Variants in MSANTD3 observed in about 807,000 individuals in gnomAD.
The protein encoded by MSANTD3 is Myb/SANT DNA binding domain containing 3, also known as myb/SANT-like DNA-binding domain-containing protein 3.
In MSANTD3, 11 loss-of-function variants were observed where a neutral mutation model predicts 27.7. That is an observed-to-expected ratio of 0.40 (90% confidence interval 0.25 to 0.66). The LOEUF is 0.66. MSANTD3 is among the 30% of genes least tolerant of loss of function. MSANTD3 has a pLI of 0.41. For synonymous variants in MSANTD3, 131 were observed against 127.2 expected, an observed-to-expected ratio of 1.03 and a Z score of -0.20; for missense variants, 250 against 336.5, an observed-to-expected ratio of 0.74 and a Z score of 2.01.
At chr9:100,435,595 AG>A (rs1341234010) in intron 1 of MSANTD3, among the ~76,000 whole-genome samples, 2 of 152,200 alleles carry the variant, frequency 1.3e-5, no homozygotes, top group Admixed American at 6.5e-5. Flanking sequence ...GCCAAGATCA[AG>A]GTGTTGGCAA....
chr9:100,441,727 C>T (rs1836627763), intron 1 of MSANTD3, among the ~76,000 whole-genome samples, 179 bp from the exon 2 acceptor site: 1 of 152,138 alleles, frequency 6.6e-6, no homozygotes, highest in South Asian at 2.1e-4. Context: ...GAAATAAAAC[C>T]CCATTCCTAG....
chr9:100,437,820 T>C (rs1470908569), intron 1 of MSANTD3, among the ~76,000 whole-genome samples: 1 of 152,222 alleles, frequency 6.6e-6, no homozygotes, highest in East Asian at 1.9e-4. Flanking sequence ...TATGTATATG[T>C]ATTTTTAACA....
Position 100,450,566 on chromosome 9 carries a change from C to T in MSANTD3, c.428C>T (p.Ala143Val). 2 of 1,527,436 alleles carry T rather than the reference C, an allele frequency of 1.3e-6. No individual in the cohort carries two copies. Among genetic ancestry groups the T allele is most frequent in the Non-Finnish European group, 1.8e-6 (2 of 1,141,704 alleles). 94.6% of individuals were successfully genotyped at this position (1,527,436 alleles called of 1,614,324 possible). A position where few individuals can be genotyped will look rare whatever the true frequency, so the allele number is the denominator to read the frequency against. Residue 143 changes from alanine to valine, a missense_variant, in exon 3 of 3, where the codon GCT (alanine) becomes GTT (valine). By Grantham distance (64) the Ala-to-Val change is moderately conservative. Coordinates refer to ENST00000395067, the MANE Select transcript of MSANTD3 (RefSeq NM_080655.3). ...HPDASAQESFAVSNRELCDDE... is the reference protein window; with the variant it reads ...HPDASAQESFVVSNRELCDDE... ...TGCTACTGTTTTTCAGAATCATTTG[C>T]TGTTTCAAATAGAGAACTGTGCGAT...
chr9:100,441,028 C>G (rs371590752), intron 1 of MSANTD3, among the ~76,000 whole-genome samples: 9 of 148,950 alleles, frequency 6.0e-5, no homozygotes, highest in African/African-American at 2.2e-4. Context: ...CTCCACCTCC[C>G]GGGTTCAAGT....
At chr9:100,430,286 G>A (rs909941961) in intron 1 of MSANTD3, among the ~76,000 whole-genome samples, 1 of 148,490 alleles carries the variant, frequency 6.7e-6, no homozygotes, top group African/African-American at 2.5e-5. Flanking sequence ...GGTGGCTCAC[G>A]CTTGTAATGC....
chr9:100,428,490 G>A lies in MSANTD3; in HGVS notation c.-34+1097G>A, dbSNP rs138658916. Among the ~76,000 whole-genome samples the A allele has an allele frequency of 6.7e-3, 1,026 of 152,260 alleles. 7 individuals are homozygous for A. The highest frequency in any genetic ancestry group is 0.024 in the African/African-American group (993 of 41,534). ...GGAGAAGAAGGATTCTGAAGTCCTGGAGGAAGATGTAGAGGAAGGCACCAG... is the reference window on the plus strand; with the variant it reads ...GGAGAAGAAGGATTCTGAAGTCCTGAAGGAAGATGTAGAGGAAGGCACCAG... On this transcript the variant is annotated intron_variant, in intron 1 of 2. Coordinates refer to ENST00000395067, the MANE Select transcript of MSANTD3 (RefSeq NM_080655.3).
intron 2 of MSANTD3, chr9:100,448,971 T>G: frequency 1.0e-6 from 1 of 985,418 alleles, no homozygotes; most frequent in Non-Finnish European, 1.2e-6. Flanking sequence ...TTTCCTTTTA[T>G]TAACAGGGTA....
At chr9:100,428,504 G>A (rs1487592758) in intron 1 of MSANTD3, among the ~76,000 whole-genome samples, 2 of 152,210 alleles carry the variant, frequency 1.3e-5, no homozygotes, top group Admixed American at 6.5e-5. Flanking sequence ...AAGATGTAGA[G>A]GAAGGCACCA....
intron 1 of MSANTD3, among the ~76,000 whole-genome samples, chr9:100,436,755 C>T (rs576474474): frequency 3.9e-5 from 6 of 152,092 alleles, no homozygotes; most frequent in African/African-American, 1.4e-4. Context: ...CAGCATTCCC[C>T]GGAGGCATGG....
rs900801485 is a variant in MSANTD3, at chr9:100,451,159, G to A, written c.*193G>A. ...CTTAAGTGGCAAAGAAGCTGTTATA[G>A]TCTTCTGAAAATTATCACTATGAGT... On this transcript the variant is annotated 3_prime_UTR_variant, in exon 3 of 3. Transcript: ENST00000395067. 11 of 533,552 alleles carry A rather than the reference G, an allele frequency of 2.1e-5. No individual in the cohort carries two copies. Among genetic ancestry groups the A allele is most frequent in the Non-Finnish European group, 3.2e-6 (1 of 311,032 alleles). 33.1% of individuals were successfully genotyped at this position (533,552 alleles called of 1,614,324 possible).
Position 100,450,756 on chromosome 9 carries a change from C to T in MSANTD3, c.618C>T (p.Ser206=). The T allele has an allele frequency of 3.7e-6, 6 of 1,613,970 alleles. No homozygotes were observed. The highest frequency in any genetic ancestry group is 5.1e-6 in the Non-Finnish European group (6 of 1,179,972). Residue 206 remains serine (S), a synonymous_variant, in exon 3 of 3, where the codon TCC becomes TCT. Transcript: ENST00000395067. The part of the protein sequence containing the change: ...MHEEEHHQQM[S]ILQLQLIQMN... ...AGGAAGAACACCATCAACAAATGTC[C>T]ATCTTACAACTGCAACTGATACAAA...
Position 100,451,645 on chromosome 9 carries a change from A to G in MSANTD3, c.*679A>G, listed in dbSNP as rs1836891727. On this transcript the variant is annotated 3_prime_UTR_variant, in exon 3 of 3. Coordinates refer to ENST00000395067, the MANE Select transcript of MSANTD3 (RefSeq NM_080655.3). ...AACAATAGTAGTTTTGTTGGAGCTAAGGATGTAACTACTTTGAGGAAGAAA... is the reference window on the plus strand; with the variant it reads ...AACAATAGTAGTTTTGTTGGAGCTAGGGATGTAACTACTTTGAGGAAGAAA... The G allele has an allele frequency of 1.3e-5, 2 of 151,826 alleles. No homozygotes were observed. Among genetic ancestry groups the G allele is most frequent in the African/African-American group, 2.4e-5 (1 of 41,288 alleles). 9.4% of individuals were successfully genotyped at this position (151,826 alleles called of 1,614,324 possible).
rs1836869426 is a variant in MSANTD3, at chr9:100,450,892, G to A, written c.754G>A (p.Glu252Lys). 6.2e-7 allele frequency: 1 copy of A among 1,613,174 alleles called. No homozygotes were observed. Among genetic ancestry groups the A allele is most frequent in the Non-Finnish European group, 8.5e-7 (1 of 1,179,882 alleles). ...TCTCAATAAAAAGAAGATGTATTGG[G>A]AAAGAAAACTACAAACTTTTACCAA... ...EVLNKKKMYWERKLQTFTKEW... is the reference protein window; with the variant it reads ...EVLNKKKMYWKRKLQTFTKEW... Residue 252 changes from glutamate to lysine, a missense_variant, in exon 3 of 3, where the codon GAA (glutamate) becomes AAA (lysine). Around this residue, in one of 3 missense-constraint regions of MSANTD3, gnomAD observed 235 missense variants for 299.3 expected, o/e 0.79. Coordinates refer to ENST00000395067, the MANE Select transcript of MSANTD3 (RefSeq NM_080655.3).
rs967279080 is a variant in MSANTD3 at position 100,450,686 on chromosome 9, A to G, written c.548A>G (p.Tyr183Cys). The G allele has an allele frequency of 1.9e-6, 3 of 1,614,178 alleles. No homozygotes were observed. Among genetic ancestry groups the G allele is most frequent in the South Asian group, 1.1e-5 (1 of 91,074 alleles). The change falls in exon 3 of 3, where the codon TAC becomes TGC. Residue 183 changes from tyrosine to cysteine, a missense_variant. By Grantham distance (194) the Tyr-to-Cys change is radical. Transcript: ENST00000395067. ...GTCAGAATAACAGCCAATAAAAACT[A>G]CAGGAGCAAAACCTCTCAGGAAGGT... ...SAVRITANKN[Y>C]RSKTSQEGAL...
intron 2 of MSANTD3, chr9:100,448,998 C>T (rs1340321589): frequency 3.0e-6 from 3 of 985,090 alleles, no homozygotes; most frequent in African/African-American, 3.5e-5. Context: ...GTTAGGTTTC[C>T]CCCAGTACCC....
rs113779757 is a variant in MSANTD3, at chr9:100,449,273, C to T, written c.419-1284C>T. On this transcript the variant is annotated intron_variant, in intron 2 of 2. Coordinates refer to ENST00000395067, the MANE Select transcript of MSANTD3 (RefSeq NM_080655.3). ...CAGGGCAAACATAGCACCTACCAAA[C>T]GTGGTATCCTTTTGCATCCATATAC... The T allele has an allele frequency of 8.2e-3, 8,098 of 984,334 alleles. 40 individuals are homozygous for T. Among genetic ancestry groups the T allele is most frequent in the Middle Eastern group, 0.011 (21 of 1,912 alleles). The allele number at this position is 984,334 out of a possible 1,614,324, so 61.0% of individuals were successfully genotyped here. A position where few individuals can be genotyped will look rare whatever the true frequency, so the allele number is the denominator to read the frequency against.
intron 1 of MSANTD3, among the ~76,000 whole-genome samples, chr9:100,429,342 G>T (rs1270586546): frequency 1.3e-5 from 2 of 152,170 alleles, no homozygotes; most frequent in African/African-American, 4.8e-5. Context: ...ATAAAATAAT[G>T]TTTTTTCACA....
intron 2 of MSANTD3, chr9:100,448,426 T>C: frequency 1.0e-6 from 1 of 985,366 alleles, no homozygotes; most frequent in Non-Finnish European, 1.2e-6. Context: ...TAATGCTCTT[T>C]GCAGTTGAAA....
intron 2 of MSANTD3, chr9:100,448,674 A>G (rs1836814666): frequency 1.0e-6 from 1 of 985,362 alleles, no homozygotes; most frequent in Non-Finnish European, 1.2e-6. Flanking sequence ...GAGTACTTAG[A>G]GACTTGAAAG....
Sources: gnomAD v4.1 joint callset for allele counts (sites outside exome capture counted in the v4.1 genomes callset) on GRCh38, gnomAD v4.1.1 for gene constraint, gnomAD v4.1.1 regional missense constraint, MANE v1.5 for transcripts, NCBI Gene and HGNC (gene_info 2026-07-23, HGNC 2026-07-21) for gene names.